The following GRM7 variants were observed in gnomAD, a reference collection of about 807,000 sequenced individuals.
GRM7 encodes the protein metabotropic glutamate receptor 7.
In GRM7, 35 loss-of-function variants were observed where a neutral mutation model predicts 84.5. The ratio of observed to expected loss-of-function variants is 0.41; its 90% CI spans 0.32 to 0.55. The LOEUF (loss-of-function observed/expected upper bound fraction) is 0.55. Among genes scored for constraint, GRM7 ranks in the 20% least tolerant of loss-of-function variants. The probability of loss-of-function intolerance (pLI) is 0.19; values close to 1 mark genes in which losing one functional copy is unlikely to be tolerated. For missense variants in GRM7, 1,003 were observed against 1,194.6 expected, an observed-to-expected ratio of 0.84 and a Z score of 2.36; for synonymous variants, 487 against 455.1, an observed-to-expected ratio of 1.07 and a Z score of -0.89.
intron 6 of GRM7, among the ~76,000 whole-genome samples, chr3:7,455,287 T>A (rs1042213424): frequency 1.3e-5 from 2 of 152,172 alleles, no homozygotes; most frequent in Admixed American, 6.5e-5. Flanking sequence ...GTAATTTTTT[T>A]AGGCAAGAAT....
intron 1 of GRM7, among the ~76,000 whole-genome samples, chr3:7,026,795 G>A (rs986369570): frequency 2.6e-5 from 4 of 152,192 alleles, no homozygotes; most frequent in Admixed American, 1.3e-4. Context: ...ACTTCTCCCT[G>A]ACTTTATCAC....
intron 1 of GRM7, among the ~76,000 whole-genome samples, chr3:6,891,099 A>G (rs1695921207): frequency 6.6e-6 from 1 of 152,020 alleles, no homozygotes; most frequent in Non-Finnish European, 1.5e-5. Context: ...ATCTTCCTCC[A>G]TCCTTTTATT....
intron 4 of GRM7, chr3:7,403,170 C>A: frequency 2.2e-6 from 1 of 445,998 alleles, no homozygotes; most frequent in South Asian, 1.6e-5. Flanking sequence ...CTGTCATTGC[C>A]TGGAGAAATG....
chr3:7,589,825 T>C (rs1322071865), intron 8 of GRM7, among the ~76,000 whole-genome samples: 1 of 152,116 alleles, frequency 6.6e-6, no homozygotes, highest in Non-Finnish European at 1.5e-5. Context: ...CTATAACAGG[T>C]CCTCTGATGC....
At chr3:7,012,862 C>G (rs964283288) in intron 1 of GRM7, among the ~76,000 whole-genome samples, 1 of 152,094 alleles carries the variant, frequency 6.6e-6, no homozygotes, top group Non-Finnish European at 1.5e-5. Flanking sequence ...TACCTCAGCC[C>G]CTTGAGTAAC....
intron 7 of GRM7, among the ~76,000 whole-genome samples, chr3:7,466,227 G>A (rs187423882): frequency 6.6e-6 from 1 of 152,246 alleles, no homozygotes; most frequent in East Asian, 1.9e-4. Context: ...ACAAGAGGCA[G>A]ATCCATGCAC....
chr3:6,944,708 G>T (rs1179159724), intron 1 of GRM7, among the ~76,000 whole-genome samples: 1 of 152,140 alleles, frequency 6.6e-6, no homozygotes, highest in Non-Finnish European at 1.5e-5. Context: ...AGCTGGGAAG[G>T]ATTTGCCCTC....
At chr3:7,440,329 G>A (rs1697234916) in intron 5 of GRM7, among the ~76,000 whole-genome samples, 1 of 152,152 alleles carries the variant, frequency 6.6e-6, no homozygotes, top group Admixed American at 6.5e-5. Flanking sequence ...TGGGCTTGGA[G>A]ACACTGGAAG....
intron 2 of GRM7, among the ~76,000 whole-genome samples, chr3:7,157,521 A>T (rs1694492179): frequency 6.6e-6 from 1 of 151,936 alleles, no homozygotes; most frequent in African/African-American, 2.4e-5. Context: ...TTTTTCCTCT[A>T]ACTAGATCCT....
intron 9 of GRM7, among the ~76,000 whole-genome samples, chr3:7,689,573 A>C (rs1188976236): frequency 1.3e-5 from 2 of 152,174 alleles, no homozygotes; most frequent in Non-Finnish European, 2.9e-5. Context: ...ATCTCAGCAT[A>C]TCTTCAAAAT....
intron 1 of GRM7, among the ~76,000 whole-genome samples, chr3:7,106,722 T>C (rs974078270): frequency 6.6e-6 from 1 of 152,050 alleles, no homozygotes; most frequent in Non-Finnish European, 1.5e-5. Flanking sequence ...CATTTGTCAC[T>C]ACTGCTTTCA....
intron 7 of GRM7, among the ~76,000 whole-genome samples, chr3:7,539,404 T>C (rs1331931312): frequency 1.3e-5 from 2 of 152,018 alleles, no homozygotes; most frequent in Non-Finnish European, 2.9e-5. Context: ...CAGCCAGGTG[T>C]GGTGGCTCAC....
intron 4 of GRM7, among the ~76,000 whole-genome samples, chr3:7,394,311 G>A (rs758304829): frequency 1.4e-4 from 21 of 152,128 alleles, no homozygotes; most frequent in African/African-American, 1.9e-4. Context: ...TCTTCTGCTC[G>A]TTCACAAAGA....
intron 1 of GRM7, among the ~76,000 whole-genome samples, chr3:6,894,684 A>G (rs76807213): frequency 0.014 from 2,107 of 152,276 alleles, 49 homozygotes; most frequent in African/African-American, 0.048. Context: ...TGTGGGGAAG[A>G]TAGGATGTAA....
At chr3:7,563,355 A>T (rs765308013) in intron 7 of GRM7, among the ~76,000 whole-genome samples, 1 of 152,144 alleles carries the variant, frequency 6.6e-6, no homozygotes, top group Non-Finnish European at 1.5e-5. Context: ...TAATCCTAAA[A>T]GTTCTTTCTT....
intron 2 of GRM7, among the ~76,000 whole-genome samples, chr3:7,288,109 A>G (rs1699495313): frequency 6.6e-6 from 1 of 152,168 alleles, no homozygotes; most frequent in South Asian, 2.1e-4. Flanking sequence ...ACAAGACTAG[A>G]GATCTGAATA....
chr3:7,650,192 A>G (rs917347747), intron 8 of GRM7, among the ~76,000 whole-genome samples: 1 of 144,526 alleles, frequency 6.9e-6, no homozygotes, highest in African/African-American at 2.4e-5. Context: ...AGTGTTTCTC[A>G]AAAGCTTGCT....
chr3:7,670,210 C>A (rs1699862800), intron 8 of GRM7, among the ~76,000 whole-genome samples: 1 of 152,096 alleles, frequency 6.6e-6, no homozygotes, highest in Non-Finnish European at 1.5e-5. Flanking sequence ...AAGACATATA[C>A]AGAGAAAAGT....
chr3:7,578,055 C>T (rs1288924208), intron 7 of GRM7, among the ~76,000 whole-genome samples: 3 of 152,140 alleles, frequency 2.0e-5, no homozygotes, highest in Non-Finnish European at 4.4e-5. Context: ...CAGTAGAGTG[C>T]ATGCCAGTTT....
Sources: allele counts gnomAD v4.1 joint callset (sites outside exome capture counted in the v4.1 genomes callset), GRCh38; gene constraint gnomAD v4.1.1; transcripts MANE v1.5; gene names NCBI Gene and HGNC (gene_info 2026-07-23, HGNC 2026-07-21).